Variants in RBMS3 observed in about 807,000 individuals in gnomAD.
RBMS3 encodes RNA binding motif single stranded interacting protein 3.
A neutral mutation model predicts 66.8 loss-of-function variants in RBMS3; 27 were observed. The ratio of observed to expected loss-of-function variants is 0.40; its 90% CI spans 0.30 to 0.56. The LOEUF is 0.56. Ranked by LOEUF, RBMS3 falls within the 20% of genes least tolerant of loss-of-function variation. RBMS3 has a pLI of 0.40. For missense variants in RBMS3, 513 were observed against 549.5 expected, an observed-to-expected ratio of 0.93 and a Z score of 0.66; for synonymous variants, 188 against 183.0, an observed-to-expected ratio of 1.03 and a Z score of -0.22.
intron 13 of RBMS3, among the ~76,000 whole-genome samples, chr3:29,990,447 C>A (rs1181579546): frequency 1.6e-5 from 2 of 121,554 alleles, no homozygotes; most frequent in Non-Finnish European, 3.2e-5. Flanking sequence ...CTCTTGCCAG[C>A]ATCTGTGAGA....
chr3:29,317,048 T>C (rs750108700), intron 1 of RBMS3, among the ~76,000 whole-genome samples: 72 of 151,760 alleles, frequency 4.7e-4, no homozygotes, highest in Middle Eastern at 3.2e-3. Context: ...TTGAGATTCA[T>C]TCTTTTGTCA....
At chr3:29,838,793 G>A (rs1182963019) in intron 6 of RBMS3, among the ~76,000 whole-genome samples, 3 of 152,116 alleles carry the variant, frequency 2.0e-5, no homozygotes, top group Admixed American at 2.0e-4. Context: ...TTAGTATCAA[G>A]TTTATATTTC....
At chr3:29,425,379 A>G (rs575431585) in intron 1 of RBMS3, among the ~76,000 whole-genome samples, 183 of 151,808 alleles carry the variant, frequency 1.2e-3, no homozygotes, top group African/African-American at 4.0e-3. Context: ...GTCTCAAAAA[A>G]AGCTAGGGGA....
intron 12 of RBMS3, among the ~76,000 whole-genome samples, chr3:29,945,724 A>G (rs954306607): frequency 2.0e-5 from 3 of 151,784 alleles, no homozygotes; most frequent in African/African-American, 4.8e-5. Context: ...GCAAATCATT[A>G]AAAGTACTTA....
At chr3:29,848,081 C>T (rs966187321) in intron 6 of RBMS3, among the ~76,000 whole-genome samples, 8 of 152,146 alleles carry the variant, frequency 5.3e-5, no homozygotes, top group African/African-American at 1.9e-4. Flanking sequence ...AGGTATCCCC[C>T]TAAGTCTCTG....
intron 1 of RBMS3, among the ~76,000 whole-genome samples, chr3:29,424,335 T>G (rs1344608473): frequency 6.6e-6 from 1 of 152,208 alleles, no homozygotes; most frequent in East Asian, 1.9e-4. Context: ...CCTCTTTTGC[T>G]CTCAAATTTT....
chr3:29,359,442 G>A (rs929086120), intron 1 of RBMS3, among the ~76,000 whole-genome samples: 8 of 152,152 alleles, frequency 5.3e-5, no homozygotes, highest in African/African-American at 1.9e-4. Context: ...GCTGGATTCG[G>A]TTTGCCAGTA....
intron 1 of RBMS3, among the ~76,000 whole-genome samples, chr3:29,333,891 A>G (rs375359232): frequency 2.6e-5 from 4 of 152,210 alleles, no homozygotes; most frequent in Non-Finnish European, 5.9e-5. Context: ...TTTCTTGTTC[A>G]GTGGAGCAAG....
intron 3 of RBMS3, among the ~76,000 whole-genome samples, chr3:29,577,137 C>G (rs1221684829): frequency 6.6e-6 from 1 of 152,180 alleles, no homozygotes; most frequent in Non-Finnish European, 1.5e-5. Context: ...CCTTCCAGGA[C>G]TAGGTCCTTC....
intron 6 of RBMS3, among the ~76,000 whole-genome samples, chr3:29,865,110 A>G (rs867283174): frequency 5.4e-4 from 77 of 143,160 alleles, no homozygotes; most frequent in African/African-American, 9.0e-4. Context: ...GGGAGGGAGG[A>G]AGGAAGGAAG....
chr3:29,288,009 A>T (rs1448939738), intron 1 of RBMS3, among the ~76,000 whole-genome samples: 1 of 152,062 alleles, frequency 6.6e-6, no homozygotes, highest in African/African-American at 2.4e-5. Flanking sequence ...GGGAGTATGT[A>T]TTATGTGGAA....
chr3:29,664,163 G>C (rs2050663922), intron 4 of RBMS3, among the ~76,000 whole-genome samples: 1 of 152,052 alleles, frequency 6.6e-6, no homozygotes, highest in African/African-American at 2.4e-5. Context: ...TGGATTTAAG[G>C]GAACTGGTGT....
chr3:29,953,700 T>C (rs1695838603), intron 12 of RBMS3, among the ~76,000 whole-genome samples: 1 of 151,918 alleles, frequency 6.6e-6, no homozygotes, highest in Admixed American at 6.6e-5. Flanking sequence ...ATTGTCACAA[T>C]CATTCCGCAG....
At chr3:29,286,772 G>C (rs1290329170) in intron 1 of RBMS3, among the ~76,000 whole-genome samples, 1 of 151,826 alleles carries the variant, frequency 6.6e-6, no homozygotes, top group Non-Finnish European at 1.5e-5. Context: ...CAGTCTTTTG[G>C]CAGAGAGAGT....
intron 3 of RBMS3, among the ~76,000 whole-genome samples, chr3:29,524,480 C>T (rs535983371): frequency 3.2e-5 from 4 of 126,618 alleles, no homozygotes; most frequent in Admixed American, 1.0e-4. Context: ...CAGGCTGGAG[C>T]GCAGTGGTGC....
At chr3:29,445,799 T>C (rs1333376849) in intron 2 of RBMS3, among the ~76,000 whole-genome samples, 1 of 152,196 alleles carries the variant, frequency 6.6e-6, no homozygotes, top group East Asian at 1.9e-4. Context: ...TTCTTATCTG[T>C]TGTCATATTC....
At chr3:29,535,793 G>A (rs929208364) in intron 3 of RBMS3, among the ~76,000 whole-genome samples, 3 of 135,052 alleles carry the variant, frequency 2.2e-5, no homozygotes, top group Non-Finnish European at 4.6e-5. Flanking sequence ...TCAGGATGGT[G>A]AGTTTGGACT....
At chr3:29,640,652 A>G (rs2049668202) in intron 4 of RBMS3, among the ~76,000 whole-genome samples, 1 of 151,962 alleles carries the variant, frequency 6.6e-6, no homozygotes, top group Non-Finnish European at 1.5e-5. Context: ...AAACATTTTA[A>G]TGATTTTACA....
At chr3:29,923,234 A>C (rs2060840747) in intron 10 of RBMS3, among the ~76,000 whole-genome samples, 1 of 152,232 alleles carries the variant, frequency 6.6e-6, no homozygotes, top group Non-Finnish European at 1.5e-5. Context: ...GTGAAGTCAC[A>C]GGAATGGAAT....
Sources: allele counts gnomAD v4.1 joint callset (sites outside exome capture counted in the v4.1 genomes callset), GRCh38; gene constraint gnomAD v4.1.1; transcripts MANE v1.5; gene names NCBI Gene and HGNC (gene_info 2026-07-23, HGNC 2026-07-21).